Variants in ZPBP observed in about 807,000 individuals in gnomAD.
ZPBP encodes zona pellucida-binding protein 1.
A neutral mutation model predicts 44.8 loss-of-function variants in ZPBP; 26 were observed. The observed-to-expected ratio is 0.58, with a 90% confidence interval of 0.43 to 0.81. The LOEUF (loss-of-function observed/expected upper bound fraction) is 0.81, where lower values mean the gene tolerates loss of function less well. Ranked by LOEUF, ZPBP falls within the 30% of genes least tolerant of loss-of-function variation. ZPBP has a pLI of 0.00. For synonymous variants in ZPBP, 174 were observed against 153.2 expected (o/e 1.14, Z -1.00); for missense variants, 409 against 434.0 (o/e 0.94, Z 0.51).
intron 2 of ZPBP, among the ~76,000 whole-genome samples, chr7:49,853,744 T>C (rs1307685449): frequency 2.0e-5 from 3 of 152,214 alleles, no homozygotes; most frequent in African/African-American, 7.2e-5. Context: ...CTTTAAGTTC[T>C]AGGGTACATG....
chr7:50,054,415 C>T (rs145151556), intron 4 of ZPBP, among the ~76,000 whole-genome samples: 3 of 152,072 alleles, frequency 2.0e-5, no homozygotes, highest in African/African-American at 7.2e-5. Flanking sequence ...AGGAAGATGA[C>T]AGTGGAATTG....
intron 7 of ZPBP, among the ~76,000 whole-genome samples, chr7:49,951,424 A>T (rs1795338233): frequency 6.6e-6 from 1 of 151,840 alleles, no homozygotes; most frequent in South Asian, 2.1e-4. Flanking sequence ...TCCAAAAAAG[A>T]TACACAAATG....
At chr7:49,968,118 C>A (rs1401150462) in intron 7 of ZPBP, among the ~76,000 whole-genome samples, 1 of 151,556 alleles carries the variant, frequency 6.6e-6, no homozygotes. Flanking sequence ...GGAAAATCAC[C>A]AAATGTTCAG....
intron 1 of ZPBP, among the ~76,000 whole-genome samples, chr7:49,905,266 C>T (rs1793024855): frequency 6.6e-6 from 1 of 152,108 alleles, no homozygotes; most frequent in South Asian, 2.1e-4. Flanking sequence ...CAGTACTTAT[C>T]ATGAGAGTAC....
intron 1 of ZPBP, among the ~76,000 whole-genome samples, chr7:49,923,100 T>G (rs1438478363): frequency 6.6e-6 from 1 of 152,006 alleles, no homozygotes; most frequent in Admixed American, 6.6e-5. Context: ...AGATAGAAAA[T>G]GCAGAAGAGG....
chr7:49,842,730 G>A, the ZPBP span, among the ~76,000 whole-genome samples: 1 of 152,218 alleles, frequency 6.6e-6, no homozygotes, highest in East Asian at 1.9e-4. Flanking sequence ...TTTCCCTGGA[G>A]ATGCTGAAAT....
chr7:49,908,620 AC>A (rs1793233503), intron 1 of ZPBP, among the ~76,000 whole-genome samples: 1 of 152,026 alleles, frequency 6.6e-6, no homozygotes, highest in Admixed American at 6.5e-5. Flanking sequence ...TAGAAGGGCC[AC>A]CCCAGTCAGT....
At chr7:49,846,985 A>C (rs2128715074), downstream of ZPBP, among the ~76,000 whole-genome samples, 2 of 152,308 alleles carry the variant, frequency 1.3e-5, no homozygotes, top group South Asian at 4.1e-4. Flanking sequence ...TGAGGCTGTA[A>C]ATTTCCTACC....
intron 2 of ZPBP, among the ~76,000 whole-genome samples, chr7:49,869,975 AGAAACTT>A (rs1791072442): frequency 6.6e-6 from 1 of 152,234 alleles, no homozygotes; most frequent in African/African-American, 2.4e-5. Flanking sequence ...GCTGAATAAA[AGAAACTT>A]GGAACAAAAT....
rs1305564341 is a variant in ZPBP, at chr7:49,910,561, TGA to T, written n.412-9348_412-9347del. On this transcript the variant is annotated intron_variant and non_coding_transcript_variant, in intron 1 of 2. Coordinates refer to the ZPBP transcript ENST00000465922. ...GGTAGAGCAGTTGCTCATAGCTGAA[TGA>T]GATCTACAGGTATGAACCATAACAC... is the stretch of plus-strand genomic sequence containing the variant. 4.0e-5 allele frequency among the ~76,000 whole-genome samples: 6 copies of T among 151,806 alleles called. No individual in the cohort carries two copies. The East Asian group carries it at 1.2e-3, about 29-fold the overall frequency.
chr7:49,888,471 T>A (rs1791990794), intron 2 of ZPBP, among the ~76,000 whole-genome samples: 1 of 152,186 alleles, frequency 6.6e-6, no homozygotes, highest in Non-Finnish European at 1.5e-5. Flanking sequence ...TTCATAACAT[T>A]CCATTCATCC....
intron 4 of ZPBP, among the ~76,000 whole-genome samples, chr7:50,057,599 G>A (rs116616544): frequency 3.1e-3 from 469 of 152,252 alleles, no homozygotes; most frequent in African/African-American, 0.01. Flanking sequence ...ACCAGAAAAG[G>A]AATTTATAGT....
intron 2 of ZPBP, among the ~76,000 whole-genome samples, chr7:50,083,972 C>T (rs1264762961): frequency 2.0e-5 from 3 of 151,906 alleles, no homozygotes; most frequent in African/African-American, 7.2e-5. Flanking sequence ...AATGGTAACA[C>T]TTTCTGTTTG....
intron 1 of ZPBP, among the ~76,000 whole-genome samples, chr7:49,907,868 A>C (rs1475848272): frequency 6.6e-6 from 1 of 152,110 alleles, no homozygotes; most frequent in Non-Finnish European, 1.5e-5. Context: ...GGTTGTGGAG[A>C]CCATAGTTTT....
chr7:49,854,050 T>A (rs1241622478), intron 2 of ZPBP, among the ~76,000 whole-genome samples: 4 of 144,070 alleles, frequency 2.8e-5, no homozygotes, highest in Admixed American at 2.1e-4. Context: ...GAACTCATCC[T>A]TTTTTATGGC....
chr7:49,948,320 T>G (rs961439059), intron 7 of ZPBP, among the ~76,000 whole-genome samples: 1 of 152,198 alleles, frequency 6.6e-6, no homozygotes, highest in East Asian at 1.9e-4. Context: ...TTACTCTGCC[T>G]TCTCCCTGTT....
intron 2 of ZPBP, among the ~76,000 whole-genome samples, chr7:49,891,552 G>C (rs1792128777): frequency 6.6e-6 from 1 of 152,134 alleles, no homozygotes; most frequent in Non-Finnish European, 1.5e-5. Flanking sequence ...TCAAGGAAAT[G>C]CAAGTTAAAG....
chr7:49,852,746 A>T (rs1301392356), intron 2 of ZPBP, among the ~76,000 whole-genome samples: 1 of 152,112 alleles, frequency 6.6e-6, no homozygotes, highest in Non-Finnish European at 1.5e-5. Context: ...TGATCGTCTT[A>T]ATCAACTTCT....
downstream of ZPBP, chr7:49,937,365 G>A (rs1292165378): frequency 1.5e-5 from 9 of 600,952 alleles, no homozygotes; most frequent in South Asian, 1.0e-4. Context: ...AAAGACTAGA[G>A]GATTTTCATC....
Sources: allele counts gnomAD v4.1 joint callset (sites outside exome capture counted in the v4.1 genomes callset), GRCh38; gene constraint gnomAD v4.1.1; transcripts MANE v1.5; gene names NCBI Gene and HGNC (gene_info 2026-07-23, HGNC 2026-07-21).